WWOX: variants seen among roughly 807,000 people sequenced by gnomAD.
WWOX encodes WW domain-containing oxidoreductase.
Under a neutral mutation model 46.2 loss-of-function variants are expected in WWOX, and 69 were observed. That is an observed-to-expected ratio of 1.49 (90% CI 1.23 to 1.82). The LOEUF (loss-of-function observed/expected upper bound fraction) is 1.82. Ranked by LOEUF, WWOX falls within the 40% of genes most tolerant of loss-of-function variation. The probability of loss-of-function intolerance (pLI) is 0.00; values close to 1 mark genes in which losing one functional copy is unlikely to be tolerated. For synonymous variants in WWOX, 359 were observed against 202.6 expected (o/e 1.77, Z -6.56); for missense variants, 919 against 542.6 (o/e 1.69, Z -6.89).
intron 8 of WWOX, among the ~76,000 whole-genome samples, chr16:79,160,789 G>A (rs955226209): frequency 3.3e-5 from 5 of 152,136 alleles, no homozygotes; most frequent in African/African-American, 7.2e-5. Flanking sequence ...TCATATGTCT[G>A]TGTGTACATA....
At chr16:79,160,086 G>T (rs943157064) in intron 8 of WWOX, among the ~76,000 whole-genome samples, 2 of 152,208 alleles carry the variant, frequency 1.3e-5, no homozygotes, top group Non-Finnish European at 2.9e-5. Context: ...CAGTGAGAGT[G>T]CTGGCATCAA....
chr16:78,787,056 G>C (rs1394056048), intron 8 of WWOX, among the ~76,000 whole-genome samples: 1 of 152,182 alleles, frequency 6.6e-6, no homozygotes, highest in South Asian at 2.1e-4. Context: ...GCTGAGGCAG[G>C]AGAATCGCTT....
chr16:78,891,577 G>C (rs752344515), intron 8 of WWOX: 1 of 152,144 alleles, frequency 6.6e-6, no homozygotes, highest in Non-Finnish European at 1.5e-5. Context: ...ATTCTCTGTC[G>C]ATAATTGATG....
At chr16:78,195,259 A>T (rs1052466889) in intron 5 of WWOX, among the ~76,000 whole-genome samples, 2 of 152,192 alleles carry the variant, frequency 1.3e-5, no homozygotes, top group African/African-American at 4.8e-5. Flanking sequence ...TGGCAGACTG[A>T]CTGGAACCTG....
At position 78,379,275 on chromosome 16, in the gene WWOX, C is replaced by G. The variant is rs369202058; in HGVS notation, c.517-7585C>G. On this transcript the variant is annotated intron_variant, in intron 5 of 8. Coordinates refer to ENST00000566780, the MANE Select transcript of WWOX (RefSeq NM_016373.4). ...AAGGGAGGGGTAGATACACTGCCAT[C>G]CAATCAGCATCAATGGGTACCTTGA... Among the ~76,000 whole-genome samples the G allele has an allele frequency of 6.8e-4, 104 of 152,252 alleles. No homozygotes were observed. In the Middle Eastern group the frequency reaches 0.017, roughly 25 times the overall value.
intron 8 of WWOX, among the ~76,000 whole-genome samples, chr16:79,043,967 C>T (rs1180209523): frequency 6.6e-6 from 1 of 152,188 alleles, no homozygotes; most frequent in African/African-American, 2.4e-5. Flanking sequence ...TGGTTTGGTC[C>T]TTGTGGCCAG....
intron 8 of WWOX, among the ~76,000 whole-genome samples, chr16:78,622,445 G>C (rs2046212051): frequency 6.6e-6 from 1 of 151,778 alleles, no homozygotes. Context: ...AGGAGGCTGA[G>C]ACTTAAGAAT....
At chr16:78,969,524 G>A (rs146288821) in intron 8 of WWOX, among the ~76,000 whole-genome samples, 5,433 of 152,176 alleles carry the variant, frequency 0.036, 341 homozygotes, top group African/African-American at 0.12. Context: ...AACCGCCTCA[G>A]CCTCCCAAAG....
chr16:78,858,248 G>A (rs577969606), intron 8 of WWOX, among the ~76,000 whole-genome samples: 122 of 148,994 alleles, frequency 8.2e-4, no homozygotes, highest in African/African-American at 3.0e-3. Flanking sequence ...ACATGGAGAA[G>A]TTCTTTAGTG....
At position 78,349,723 on chromosome 16, in the gene WWOX, A is replaced by C. The variant is rs1409155075; in HGVS notation, c.517-37137A>C. On this transcript the variant is annotated intron_variant, in intron 5 of 8. Transcript: ENST00000566780. ...ATTTGCAATTGTTTCAGTGATTGAAATTATGCTTGGAGTGCAGGTGTCACC... is the reference window on the plus strand; with the variant it reads ...ATTTGCAATTGTTTCAGTGATTGAACTTATGCTTGGAGTGCAGGTGTCACC... Among the ~76,000 whole-genome samples the C allele has an allele frequency of 5.1e-5, 6 of 118,224 alleles. 1 individual carries two copies. The highest frequency in any genetic ancestry group is 1.7e-4 in the African/African-American group (6 of 34,952). 77.6% of individuals were successfully genotyped at this position (118,224 alleles called of 152,430 possible).
intron 8 of WWOX, among the ~76,000 whole-genome samples, chr16:78,812,335 T>C (rs949262564): frequency 6.6e-6 from 1 of 152,122 alleles, no homozygotes; most frequent in African/African-American, 2.4e-5. Context: ...TTTGAGACCC[T>C]CAGGGTGACA....
chr16:78,335,929 T>G (rs568931389), intron 5 of WWOX, among the ~76,000 whole-genome samples: 2 of 152,162 alleles, frequency 1.3e-5, no homozygotes, highest in Admixed American at 1.3e-4. Context: ...CCATCTCTAC[T>G]AAAAATATAA....
At chr16:78,270,318 A>T (rs970878776) in intron 5 of WWOX, 1 of 152,164 alleles carries the variant, frequency 6.6e-6, no homozygotes, top group Admixed American at 6.5e-5. Context: ...TAGCAAAGAA[A>T]CTTGCAAGGT....
At chr16:78,928,522 AT>A (rs1448550144) in intron 8 of WWOX, among the ~76,000 whole-genome samples, 1 of 152,016 alleles carries the variant, frequency 6.6e-6, no homozygotes, top group Admixed American at 6.5e-5. Context: ...TGTTGTGAAT[AT>A]TTTTTCCCCT....
rs371013391 is a variant in WWOX at position 79,142,995 on chromosome 16, C to T, written c.1057-68613C>T. Among the ~76,000 whole-genome samples, 291 of 152,244 alleles carry T rather than the reference C, an allele frequency of 1.9e-3. 10 individuals are homozygous for T. The South Asian group carries it at 0.059, about 31-fold the overall frequency. ...CAGAGATTACAGGCGTGAGCTACCA[C>T]ACCCAGCCATTTATCTGTTTTTTAA... On this transcript the variant is annotated intron_variant, in intron 8 of 8. Transcript: ENST00000566780.
At chr16:79,116,479 C>T (rs547908787) in intron 8 of WWOX, among the ~76,000 whole-genome samples, 5 of 152,156 alleles carry the variant, frequency 3.3e-5, no homozygotes, top group South Asian at 2.1e-4. Context: ...GTTCAGTGTT[C>T]GCCTTCAGGA....
intron 8 of WWOX, among the ~76,000 whole-genome samples, chr16:78,617,692 G>A (rs551768432): frequency 3.0e-4 from 46 of 152,082 alleles, no homozygotes; most frequent in Non-Finnish European, 5.7e-4. Context: ...AGTGGGCCCC[G>A]CTGCATTCTT....
chr16:78,892,708 G>A (rs767280703), intron 8 of WWOX, among the ~76,000 whole-genome samples: 4 of 152,244 alleles, frequency 2.6e-5, no homozygotes, highest in Non-Finnish European at 4.4e-5. Context: ...TTGGGCAGGT[G>A]ATTGTGATAC....
chr16:78,835,940 A>G (rs1432964140), intron 8 of WWOX, among the ~76,000 whole-genome samples: 1 of 152,232 alleles, frequency 6.6e-6, no homozygotes, highest in Non-Finnish European at 1.5e-5. Flanking sequence ...ACTAACAACA[A>G]GGAAATATAA....
Sources: allele counts gnomAD v4.1 joint callset (sites outside exome capture counted in the v4.1 genomes callset), GRCh38; gene constraint gnomAD v4.1.1; transcripts MANE v1.5; gene names NCBI Gene and HGNC (gene_info 2026-07-23, HGNC 2026-07-21).